ACTL6B: variants seen among roughly 807,000 people sequenced by gnomAD.
ACTL6B encodes actin like 6B, also known as actin-like protein 6B.
Under a neutral mutation model 63.3 loss-of-function variants are expected in ACTL6B, and 48 were observed. That is an observed-to-expected ratio of 0.76 (90% CI 0.60 to 0.96). The LOEUF is 0.96. ACTL6B is among the 50% of genes least tolerant of loss of function. The probability of loss-of-function intolerance (pLI) is 0.00; values close to 1 mark genes in which losing one functional copy is unlikely to be tolerated. For synonymous variants in ACTL6B, 230 were observed against 223.8 expected (o/e 1.03, Z -0.25); for missense variants, 350 against 572.2 (o/e 0.61, Z 3.96).
chr7:100,647,337 C>T lies in ACTL6B; in HGVS notation c.760-53G>A. 6.2e-7 allele frequency: 1 copy of T among 1,606,390 alleles called. No individual in the cohort carries two copies. The highest frequency in any genetic ancestry group is 8.5e-7 in the Non-Finnish European group (1 of 1,174,864). The stretch of plus-strand genomic sequence containing the variant: ...CCTGCCTTCCCCGTGAGCAGCACCC[C>T]CTGCCCCGCTCCCCCTCCCTGCTCC... On this transcript the variant is annotated intron_variant, in intron 8 of 13. Transcript: ENST00000160382. This position sits in a 1 kb window ranked among gnomAD's most constrained non-coding sequence, Gnocchi z 4.4.
At chr7:100,651,776 G>A (rs999037269) in intron 4 of ACTL6B, among the ~76,000 whole-genome samples, 1 of 151,766 alleles carries the variant, frequency 6.6e-6, no homozygotes, top group Non-Finnish European at 1.5e-5. Flanking sequence ...TAGAGATAAG[G>A]TATCAGTATA....
At position 100,647,161 on chromosome 7, in the gene ACTL6B, G is replaced by GGGGC; in HGVS notation, c.821+61_821+62insGCCC. On this transcript the variant is annotated intron_variant, in intron 9 of 13. Transcript: ENST00000160382. This position sits in a 1 kb window ranked among gnomAD's most constrained non-coding sequence, Gnocchi z 4.4. ...GCGTGGGCAGCACCAGAGCCCCCCA[G>GGGGC]CCCACCCCAAGAGTGCCGGTTCTGC... 1 of 1,591,172 alleles carries GGGGC rather than the reference G, an allele frequency of 6.3e-7. No homozygotes were observed.
rs1584468312 is a variant in ACTL6B at position 100,647,423 on chromosome 7, T to G, written c.759+21A>C. On this transcript the variant is annotated intron_variant, in intron 8 of 13. Coordinates refer to ENST00000160382, the MANE Select transcript of ACTL6B (RefSeq NM_016188.5). This position sits in a 1 kb window ranked among gnomAD's most constrained non-coding sequence, Gnocchi z 4.4. ...CATGGCAGGGGAGGGGGGTTTCAGG[T>G]GGCCCTCTCCAGAGGCTCACATTAC... 6.2e-7 allele frequency: 1 copy of G among 1,608,668 alleles called. No individual in the cohort carries two copies. The highest frequency in any genetic ancestry group is 8.5e-7 in the Non-Finnish European group (1 of 1,175,942).
At chr7:100,654,181 C>T (rs1327764573) in intron 4 of ACTL6B, among the ~76,000 whole-genome samples, 3 of 151,808 alleles carry the variant, frequency 2.0e-5, no homozygotes, top group African/African-American at 7.3e-5. Flanking sequence ...ACCGTGTTAT[C>T]CAGGATGGTC....
In ACTL6B at chr7:100,650,040, G is replaced by A. The variant is rs372762306; in HGVS notation, c.465C>T (p.Thr155=). The A allele has an allele frequency of 6.9e-5, 111 of 1,613,532 alleles. No homozygotes were observed. In the Admixed American group the frequency reaches 8.7e-4, roughly 13 times the overall value. ...AFFLCKTAVL[T]AFANGRSTGL... ...GAGCAGCTCAGTCCAGAGGATACGC[G>A]GTGAGCACAGCCGTCTTGCATAAGA... Residue 155 remains threonine, a splice_region_variant and synonymous_variant, in exon 5 of 14, where the codon ACC becomes ACT. Coordinates refer to ENST00000160382, the MANE Select transcript of ACTL6B (RefSeq NM_016188.5).
chr7:100,644,987 T>C (rs1803795345), intron 13 of ACTL6B, among the ~76,000 whole-genome samples: 1 of 152,006 alleles, frequency 6.6e-6, no homozygotes. Context: ...ACCCAGGAGA[T>C]GGAGGTTGCA....
At chr7:100,653,743 T>C (rs1803984625) in intron 4 of ACTL6B, among the ~76,000 whole-genome samples, 1 of 151,818 alleles carries the variant, frequency 6.6e-6, no homozygotes, top group South Asian at 2.1e-4. Flanking sequence ...TGATAAGAAA[T>C]ACGTGTGGCA....
At position 100,655,780 on chromosome 7, in the gene ACTL6B, G is replaced by T; in HGVS notation, c.102+23C>A. On this transcript the variant is annotated intron_variant, in intron 2 of 13. Coordinates refer to ENST00000160382, the MANE Select transcript of ACTL6B (RefSeq NM_016188.5). This position sits in a 1 kb window ranked among gnomAD's most constrained non-coding sequence, Gnocchi z 4.4. ...GAAGGGTCCGAAGCCCCTAGGATTTGGAGAGGAGACTGGAAGGCTCACCTT... is the reference window on the plus strand; with the variant it reads ...GAAGGGTCCGAAGCCCCTAGGATTTTGAGAGGAGACTGGAAGGCTCACCTT... 1 of 1,557,894 alleles carries T rather than the reference G, an allele frequency of 6.4e-7. No individual in the cohort carries two copies. Among genetic ancestry groups the T allele is most frequent in the East Asian group, 2.4e-5 (1 of 41,460 alleles).
At position 100,648,478 on chromosome 7, in the gene ACTL6B, T is replaced by C; in HGVS notation, c.669+78A>G. On this transcript the variant is annotated intron_variant, in intron 7 of 13. Coordinates refer to ENST00000160382, the MANE Select transcript of ACTL6B (RefSeq NM_016188.5). The surrounding 1 kb of genome is among the most constrained non-coding windows in gnomAD (Gnocchi z 4.4). The stretch of plus-strand genomic sequence containing the variant: ...GCCTGCTGCTCTCTGCTCTGATATC[T>C]CATGTGTCAGAGGGTTGACGGCCAT... 7.9e-7 allele frequency: 1 copy of C among 1,260,494 alleles called. No homozygotes were observed. Among genetic ancestry groups the C allele is most frequent in the Non-Finnish European group, 1.1e-6 (1 of 922,432 alleles). The allele number at this position is 1,260,494 out of a possible 1,614,324, so 78.1% of individuals were successfully genotyped here. A position where few individuals can be genotyped will look rare whatever the true frequency, so the allele number is the denominator to read the frequency against.
chr7:100,644,872 A>G (rs956710766), intron 13 of ACTL6B, among the ~76,000 whole-genome samples: 1 of 152,104 alleles, frequency 6.6e-6, no homozygotes. Flanking sequence ...CTTAGCCAAC[A>G]CGGTGAAACC....
Position 100,656,357 on chromosome 7 carries a change from T to C in ACTL6B, c.-3A>G. On this transcript the variant is annotated 5_prime_UTR_variant, in exon 1 of 14. Transcript: ENST00000160382. ...CCGCCGTAGACGCCCCCGCTCATAG[T>C]GCCCGCTGCGCTGCTAGCGGCCCGT... The C allele has an allele frequency of 7.3e-7, 1 of 1,364,622 alleles. No individual in the cohort carries two copies. Among genetic ancestry groups the C allele is most frequent in the South Asian group, 1.7e-5 (1 of 59,410 alleles). The allele number at this position is 1,364,622 out of a possible 1,614,324, so 84.5% of individuals were successfully genotyped here. A position where few individuals can be genotyped will look rare whatever the true frequency, so the allele number is the denominator to read the frequency against.
Position 100,655,003 on chromosome 7 carries a change from T to TG in ACTL6B, c.369+15dup. 5.6e-6 allele frequency: 9 copies of TG among 1,605,518 alleles called. No homozygotes were observed. The highest frequency in any genetic ancestry group is 6.8e-6 in the Non-Finnish European group (8 of 1,172,906). ...TGGAGATCAGGGTTGGACATGAGGA[T>TG]GGAGGAGGCACTCACCGGAGCCTCG... On this transcript the variant is annotated intron_variant, in intron 4 of 13. Transcript: ENST00000160382. The surrounding 1 kb of genome is among the most constrained non-coding windows in gnomAD (Gnocchi z 4.4).
In ACTL6B at chr7:100,650,154, G is replaced by C. The variant is rs376063223; in HGVS notation, c.370-19C>G. 13 of 1,611,704 alleles carry C rather than the reference G, an allele frequency of 8.1e-6. No individual in the cohort carries two copies. The African/African-American group carries it at 1.6e-4, about 20-fold the overall frequency. On this transcript the variant is annotated intron_variant, in intron 4 of 13. Transcript: ENST00000160382. ...TGTTCCACTGTGGAGAAAGTGCAGA[G>C]GGGGAGGATTCAGGAAGGGAGAGGC...
At chr7:100,644,563 T>C (rs1044497774) in intron 13 of ACTL6B, among the ~76,000 whole-genome samples, 7 of 152,176 alleles carry the variant, frequency 4.6e-5, no homozygotes, top group African/African-American at 1.4e-4. Flanking sequence ...TCCTCCAACC[T>C]TGGCCTCCCA....
In ACTL6B at chr7:100,655,005, G is replaced by T; in HGVS notation, c.369+14C>A. ...GAGATCAGGGTTGGACATGAGGATG[G>T]AGGAGGCACTCACCGGAGCCTCGGA... On this transcript the variant is annotated intron_variant, in intron 4 of 13. Transcript: ENST00000160382. The surrounding 1 kb of genome is among the most constrained non-coding windows in gnomAD (Gnocchi z 4.4). The T allele has an allele frequency of 6.2e-7, 1 of 1,607,476 alleles. No homozygotes were observed. Among genetic ancestry groups the T allele is most frequent in the South Asian group, 1.1e-5 (1 of 90,824 alleles).
chr7:100,646,851 G>A lies in ACTL6B; in HGVS notation c.937-20C>T. On this transcript the variant is annotated intron_variant, in intron 10 of 13. Transcript: ENST00000160382. The surrounding 1 kb of genome is among the most constrained non-coding windows in gnomAD (Gnocchi z 6.1). Reference sequence around the variant, plus strand: ...CAGGCCCTGCAGAGAGAGGTGACTGGGGCTGTGGGCTCTCTCCCCCTTCCC... The same window carrying A: ...CAGGCCCTGCAGAGAGAGGTGACTGAGGCTGTGGGCTCTCTCCCCCTTCCC... 6.2e-7 allele frequency: 1 copy of A among 1,607,784 alleles called. No homozygotes were observed. The highest frequency in any genetic ancestry group is 8.5e-7 in the Non-Finnish European group (1 of 1,176,984).
chr7:100,647,759 C>T lies in ACTL6B; in HGVS notation c.670-226G>A, dbSNP rs1451475757. On this transcript the variant is annotated intron_variant, in intron 7 of 13. Transcript: ENST00000160382. The surrounding 1 kb of genome is among the most constrained non-coding windows in gnomAD (Gnocchi z 4.4). ...GTGGGTGCAGCTGATCTGGAGAACA[C>T]CAGGAATACAGCAGTGACAGAACCT... is the stretch of plus-strand genomic sequence containing the variant. 3.8e-6 allele frequency: 2 copies of T among 520,002 alleles called. No individual in the cohort carries two copies. Among genetic ancestry groups the T allele is most frequent in the East Asian group, 3.0e-5 (1 of 33,362 alleles). The allele number at this position is 520,002 out of a possible 1,614,324, so 32.2% of individuals were successfully genotyped here. A position where few individuals can be genotyped will look rare whatever the true frequency, so the allele number is the denominator to read the frequency against.
At chr7:100,653,182 T>G (rs1803974784) in intron 4 of ACTL6B, among the ~76,000 whole-genome samples, 1 of 152,018 alleles carries the variant, frequency 6.6e-6, no homozygotes, top group Non-Finnish European at 1.5e-5. Context: ...GCACAGTGAC[T>G]CATGCCTGTA....
intron 4 of ACTL6B, among the ~76,000 whole-genome samples, chr7:100,652,495 G>A (rs1473221622): frequency 2.7e-5 from 4 of 149,760 alleles, no homozygotes; most frequent in Non-Finnish European, 5.9e-5. Flanking sequence ...TACTCGGGAG[G>A]CTGAGGCAGG....
Sources: gnomAD v4.1 joint callset for allele counts (sites outside exome capture counted in the v4.1 genomes callset) on GRCh38, gnomAD v4.1.1 for gene constraint, Gnocchi (gnomAD v3.1) non-coding constraint, MANE v1.5 for transcripts, NCBI Gene and HGNC (gene_info 2026-07-23, HGNC 2026-07-21) for gene names.